NKAIN3: variants seen among roughly 807,000 people sequenced by gnomAD.
The protein encoded by NKAIN3 is sodium/potassium transporting ATPase interacting 3.
In NKAIN3, 25 loss-of-function variants were observed where a neutral mutation model predicts 30.2. The observed-to-expected ratio is 0.83, with a 90% confidence interval of 0.60 to 1.16. NKAIN3 has a LOEUF of 1.16. NKAIN3 is among the 50% of genes most tolerant of loss of function. The probability of loss-of-function intolerance (pLI) is 0.00; values close to 1 mark genes in which losing one functional copy is unlikely to be tolerated. For missense variants in NKAIN3, 225 were observed against 254.1 expected (o/e 0.89, Z 0.78); for synonymous variants, 91 against 89.6 (o/e 1.02, Z -0.09).
intron 4 of NKAIN3, among the ~76,000 whole-genome samples, chr8:62,908,127 A>G (rs746740133): frequency 2.0e-5 from 3 of 152,182 alleles, no homozygotes; most frequent in Non-Finnish European, 4.4e-5. Flanking sequence ...GATGTGAGAC[A>G]TGGAGTCAAA....
rs188964111 is a variant in NKAIN3, at chr8:62,982,195, T to G, written c.*16788T>G. 74 of 152,320 alleles carry G rather than the reference T, an allele frequency of 4.9e-4. 1 individual carries two copies. The highest frequency in any genetic ancestry group is 1.7e-3 in the African/African-American group (71 of 41,572). 9.4% of individuals were successfully genotyped at this position (152,320 alleles called of 1,614,324 possible). A position where few individuals can be genotyped will look rare whatever the true frequency, so the allele number is the denominator to read the frequency against. On this transcript the variant is annotated 3_prime_UTR_variant, in exon 7 of 7. Transcript: ENST00000623646. Reference sequence around the variant, plus strand: ...TGATTTCAGACTATCAATTTAAAAATTCATTAGTATAAATTAAGAACAGGT... The same window carrying G: ...TGATTTCAGACTATCAATTTAAAAAGTCATTAGTATAAATTAAGAACAGGT...
chr8:62,392,386 A>C (rs13269794), intron 1 of NKAIN3, among the ~76,000 whole-genome samples: 84,596 of 151,864 alleles, frequency 0.56, 26,260 homozygotes, highest in East Asian at 0.68. Flanking sequence ...GCTCACTTTT[A>C]TTGCCAATTT....
At chr8:62,851,851 G>A (rs1028384618) in intron 4 of NKAIN3, among the ~76,000 whole-genome samples, 6 of 152,072 alleles carry the variant, frequency 3.9e-5, no homozygotes, top group Non-Finnish European at 7.4e-5. Flanking sequence ...TGCTGGATTC[G>A]GTTTGCCAGT....
chr8:62,540,000 A>T (rs1198051426), intron 1 of NKAIN3, among the ~76,000 whole-genome samples: 2 of 152,288 alleles, frequency 1.3e-5, no homozygotes, highest in East Asian at 3.9e-4. Flanking sequence ...GCCTTACCTC[A>T]TGGAGAACTG....
At chr8:62,284,222 A>T (rs1338164863) in intron 1 of NKAIN3, among the ~76,000 whole-genome samples, 1 of 152,074 alleles carries the variant, frequency 6.6e-6, no homozygotes, top group East Asian at 1.9e-4. Context: ...AACTCTGGGG[A>T]GCTGTCAATT....
intron 3 of NKAIN3, among the ~76,000 whole-genome samples, chr8:62,597,416 AT>A (rs901139627): frequency 6.6e-6 from 1 of 151,954 alleles, no homozygotes; most frequent in African/African-American, 2.4e-5. Flanking sequence ...TTAAAGAATA[AT>A]TTTTTTATTT....
At chr8:62,455,550 T>G (rs1805788297) in intron 1 of NKAIN3, among the ~76,000 whole-genome samples, 1 of 152,188 alleles carries the variant, frequency 6.6e-6, no homozygotes, top group Non-Finnish European at 1.5e-5. Context: ...GGGCATGGGC[T>G]GAAATGCTAA....
At position 62,395,040 on chromosome 8, in the gene NKAIN3, C is replaced by T. The variant is rs549302016; in HGVS notation, c.54+145913C>T. Among the ~76,000 whole-genome samples, 19 of 145,176 alleles carry T rather than the reference C, an allele frequency of 1.3e-4. No individual in the cohort carries two copies. In the South Asian group the frequency reaches 2.0e-3, roughly 15 times the overall value. ...AGATGGTGAGGAGGCCGGGCAGAGG[C>T]GCTCCTCACTTCCCAGACGGTGGGT... On this transcript the variant is annotated intron_variant, in intron 1 of 6. Transcript: ENST00000623646.
At chr8:62,626,664 CATCT>C (rs1811799045) in intron 3 of NKAIN3, among the ~76,000 whole-genome samples, 1 of 152,060 alleles carries the variant, frequency 6.6e-6, no homozygotes, top group Non-Finnish European at 1.5e-5. Context: ...TCAGTGTTTT[CATCT>C]ATGAAAAGAA....
At chr8:62,513,704 C>CA (rs892749556) in intron 1 of NKAIN3, among the ~76,000 whole-genome samples, 1 of 151,150 alleles carries the variant, frequency 6.6e-6, no homozygotes, top group Non-Finnish European at 1.5e-5. Context: ...CCCATCTCTA[C>CA]AAAAAAAGAT....
rs149336238 is a variant in NKAIN3, at chr8:62,561,543, G to A, written c.55-17996G>A. On this transcript the variant is annotated intron_variant, in intron 1 of 6. Coordinates refer to ENST00000623646, the MANE Select transcript of NKAIN3 (RefSeq NM_001304533.3). ...AATGTAGGAATTACTCTAAAGCTTC[G>A]GGGAGAGGCCATACTGTGGTGTAAA... Among the ~76,000 whole-genome samples the A allele has an allele frequency of 6.9e-3, 1,054 of 152,202 alleles. 14 individuals carry two copies. The highest frequency in any genetic ancestry group is 0.024 in the African/African-American group (984 of 41,544).
chr8:62,750,826 C>G lies in NKAIN3; in HGVS notation c.471+3697C>G, dbSNP rs138237806. On this transcript the variant is annotated intron_variant, in intron 4 of 6. Transcript: ENST00000623646. ...CATGCTGGAGTGGAGAAGTCAAAGA[C>G]AAGCAGACTCCGGCCCTGGGATGGT... is the stretch of plus-strand genomic sequence containing the variant. Among the ~76,000 whole-genome samples, 832 of 152,162 alleles carry G rather than the reference C, an allele frequency of 5.5e-3. 7 individuals are homozygous for G. Among genetic ancestry groups the G allele is most frequent in the African/African-American group, 0.019 (798 of 41,502 alleles).
At chr8:62,249,726 A>C (rs185662160) in intron 1 of NKAIN3, among the ~76,000 whole-genome samples, 53 of 152,190 alleles carry the variant, frequency 3.5e-4, no homozygotes, top group African/African-American at 1.2e-3. Flanking sequence ...TCCGCTTTGG[A>C]TTTTGTTGAA....
At position 62,781,770 on chromosome 8, in the gene NKAIN3, CAAGATGGATTAAAGATTTTAAGGT is replaced by C. The variant is rs534081689; in HGVS notation, c.471+34663_471+34686del. On this transcript the variant is annotated intron_variant, in intron 4 of 6. Transcript: ENST00000623646. Reference sequence around the variant, plus strand: ...CTCTCACCATATACAAAAGTCAACTCAAGATGGATTAAAGATTTTAAGGTAAGATGGATTAAAGATTTTAAAGTA... The same window carrying C: ...CTCTCACCATATACAAAAGTCAACTCAAGATGGATTAAAGATTTTAAAGTA... Among the ~76,000 whole-genome samples, 448 of 151,864 alleles carry C rather than the reference CAAGATGGATTAAAGATTTTAAGGT, an allele frequency of 3.0e-3. 1 individual carries two copies. Among genetic ancestry groups the C allele is most frequent in the African/African-American group, 0.01 (418 of 41,492 alleles).
intron 1 of NKAIN3, among the ~76,000 whole-genome samples, chr8:62,353,305 G>C (rs1816240004): frequency 6.6e-6 from 1 of 152,182 alleles, no homozygotes; most frequent in African/African-American, 2.4e-5. Context: ...TGTTAGCCCA[G>C]GGATTTTAAT....
chr8:62,578,239 G>T (rs1313957855), intron 1 of NKAIN3, among the ~76,000 whole-genome samples: 1 of 151,978 alleles, frequency 6.6e-6, no homozygotes, highest in Non-Finnish European at 1.5e-5. Context: ...TGGCATTTTT[G>T]GTATTCACTG....
chr8:62,283,576 A>G (rs1353468155), intron 1 of NKAIN3, among the ~76,000 whole-genome samples: 1 of 152,112 alleles, frequency 6.6e-6, no homozygotes, highest in Non-Finnish European at 1.5e-5. Flanking sequence ...CTAATTATTG[A>G]AGTTATATAC....
At chr8:62,678,035 G>A (rs1223197182) in intron 3 of NKAIN3, among the ~76,000 whole-genome samples, 2 of 152,144 alleles carry the variant, frequency 1.3e-5, no homozygotes, top group East Asian at 3.9e-4. Flanking sequence ...TAATATTTCT[G>A]AAGTGTCTAC....
intron 1 of NKAIN3, among the ~76,000 whole-genome samples, chr8:62,543,931 A>C (rs1993128): frequency 9.2e-5 from 14 of 152,086 alleles, no homozygotes; most frequent in African/African-American, 3.4e-4. Flanking sequence ...GGAGTAAAAT[A>C]AGAGAAATGT....
Sources: gnomAD v4.1 joint callset for allele counts (sites outside exome capture counted in the v4.1 genomes callset) on GRCh38, gnomAD v4.1.1 for gene constraint, MANE v1.5 for transcripts, NCBI Gene and HGNC (gene_info 2026-07-23, HGNC 2026-07-21) for gene names.